Variants in ZSCAN5A observed in about 807,000 individuals in gnomAD.
ZSCAN5A encodes the protein zinc finger and SCAN domain containing 5A.
In ZSCAN5A, 12 loss-of-function variants were observed where a neutral mutation model predicts 23.7. The observed-to-expected ratio is 0.51, with a 90% confidence interval of 0.32 to 0.82. The LOEUF (loss-of-function observed/expected upper bound fraction) is 0.82. ZSCAN5A is among the 40% of genes least tolerant of loss of function. ZSCAN5A has a pLI of 0.03. For missense variants in ZSCAN5A, 597 were observed against 617.9 expected, an observed-to-expected ratio of 0.97 and a Z score of 0.36; for synonymous variants, 257 against 239.9, an observed-to-expected ratio of 1.07 and a Z score of -0.66.
intron 2 of ZSCAN5A, chr19:56,302,701 C>A (rs1427780639): frequency 4.2e-6 from 1 of 237,216 alleles, no homozygotes; most frequent in East Asian, 6.4e-5. Context: ...CTCCTTCCTT[C>A]TCTTTCCTTC....
In ZSCAN5A at chr19:56,304,494, A is replaced by G. The variant is rs555582679; in HGVS notation, c.-128+8789T>C. 2.0e-4 allele frequency among the ~76,000 whole-genome samples: 31 copies of G among 152,320 alleles called. No individual in the cohort carries two copies. The East Asian group carries it at 2.7e-3, about 13-fold the overall frequency. On this transcript the variant is annotated intron_variant, in intron 2 of 5. Transcript: ENST00000683990. ...CGGCCCAGGACAACACGCCACGACA[A>G]AAATAACCCAGGTCAAAACGTCAGG...
intron 2 of ZSCAN5A, among the ~76,000 whole-genome samples, chr19:56,326,617 G>A (rs1417600920): frequency 1.3e-5 from 2 of 151,932 alleles, no homozygotes; most frequent in Non-Finnish European, 2.9e-5. Flanking sequence ...ACTTCCCATA[G>A]TGTACCGCTG....
intron 2 of ZSCAN5A, among the ~76,000 whole-genome samples, chr19:56,278,088 G>C (rs1384459963): frequency 2.0e-5 from 3 of 147,554 alleles, no homozygotes; most frequent in Non-Finnish European, 3.0e-5. Flanking sequence ...GCTTCAGTCT[G>C]TCACAATGTG....
chr19:56,299,794 A>G (rs1005904672), intron 2 of ZSCAN5A: 2 of 152,176 alleles, frequency 1.3e-5, no homozygotes, highest in Non-Finnish European at 1.5e-5. Context: ...GGGATTTTAA[A>G]AAGTATTTTT....
At chr19:56,228,118 T>C in intron 2 of ZSCAN5A, 4 of 502,726 alleles carry the variant, frequency 8.0e-6, no homozygotes, top group Non-Finnish European at 1.0e-5. Flanking sequence ...GAGTTAATCA[T>C]GGGGTGCAAA....
At chr19:56,247,130 G>A in intron 2 of ZSCAN5A, 1 of 673,402 alleles carries the variant, frequency 1.5e-6, no homozygotes, top group Non-Finnish European at 2.7e-6. Context: ...TCACACACAG[G>A]AGAGAGACCC....
At chr19:56,260,214 C>CTTT (rs398041088) in intron 2 of ZSCAN5A, among the ~76,000 whole-genome samples, 3 of 127,860 alleles carry the variant, frequency 2.3e-5, no homozygotes, top group Admixed American at 8.2e-5. Flanking sequence ...TATTTTTTTA[C>CTTT]TTTTTTTTTT....
At chr19:56,250,872 A>T (rs948248733) in intron 2 of ZSCAN5A, among the ~76,000 whole-genome samples, 1 of 152,120 alleles carries the variant, frequency 6.6e-6, no homozygotes, top group Admixed American at 6.5e-5. Context: ...ATGTGGCCTA[A>T]GCTATTCAAC....
intron 2 of ZSCAN5A, chr19:56,263,265 G>A (rs2037247119): frequency 6.6e-6 from 1 of 152,248 alleles, no homozygotes; most frequent in Non-Finnish European, 1.5e-5. Context: ...GCTGGGTGAA[G>A]TGCATTTTAA....
chr19:56,311,856 T>A (rs896190062), intron 2 of ZSCAN5A: 2 of 152,086 alleles, frequency 1.3e-5, no homozygotes, highest in Non-Finnish European at 2.9e-5. Flanking sequence ...CCCCAGTGCG[T>A]GTTGTTCACC....
At chr19:56,302,955 A>G in intron 2 of ZSCAN5A, 1 of 398,196 alleles carries the variant, frequency 2.5e-6, no homozygotes, top group East Asian at 3.6e-5. Flanking sequence ...AGAGAACCAG[A>G]TCACCGAGTG....
intron 2 of ZSCAN5A, among the ~76,000 whole-genome samples, chr19:56,325,148 T>C (rs1357802280): frequency 6.6e-6 from 1 of 152,266 alleles, no homozygotes. Flanking sequence ...TCTTTTCCCT[T>C]CTTCCCTCCC....
intron 2 of ZSCAN5A, among the ~76,000 whole-genome samples, chr19:56,287,285 A>G (rs747520262): frequency 2.6e-5 from 4 of 152,238 alleles, no homozygotes; most frequent in Non-Finnish European, 5.9e-5. Context: ...TGTGGGAAAC[A>G]TTTTACGGAA....
At chr19:56,288,701 G>A (rs888033860) in intron 2 of ZSCAN5A, among the ~76,000 whole-genome samples, 3 of 152,140 alleles carry the variant, frequency 2.0e-5, no homozygotes, top group Non-Finnish European at 4.4e-5. Context: ...GTCTTCACCC[G>A]TAAAATGAGT....
At chr19:56,313,785 C>T (rs2041193704) in intron 1 of ZSCAN5A, among the ~76,000 whole-genome samples, 2 of 152,114 alleles carry the variant, frequency 1.3e-5, no homozygotes, top group South Asian at 4.1e-4. Context: ...GATGGGAGTG[C>T]TCTTAAATTT....
In ZSCAN5A at chr19:56,333,818, T is replaced by C. The variant is rs565659322; in HGVS notation, c.-357-17550A>G. Among the ~76,000 whole-genome samples, 7 of 151,920 alleles carry C rather than the reference T, an allele frequency of 4.6e-5. 1 individual carries two copies. In the South Asian group the frequency reaches 1.5e-3, roughly 32 times the overall value. On this transcript the variant is annotated intron_variant, in intron 2 of 6. Coordinates refer to the ZSCAN5A transcript ENST00000587340. ...AGATGGTAGCAAACATACTGTATGC[T>C]CACACCTTCTAGGGAGACAGGGGAA... is the stretch of plus-strand genomic sequence containing the variant.
intron 2 of ZSCAN5A, among the ~76,000 whole-genome samples, chr19:56,353,785 A>T (rs564070526): frequency 9.2e-5 from 14 of 152,138 alleles, no homozygotes; most frequent in East Asian, 5.8e-4. Context: ...CTGTCTCAAA[A>T]AATAAAAATA....
intron 1 of ZSCAN5A, among the ~76,000 whole-genome samples, chr19:56,364,307 T>TA (rs2041751810): frequency 6.6e-6 from 1 of 152,256 alleles, no homozygotes; most frequent in East Asian, 1.9e-4. Flanking sequence ...CTTATGTTGT[T>TA]ACTCAAGAAA....
At chr19:56,314,583 G>A (rs2041251553) in intron 1 of ZSCAN5A, 98 bp downstream of exon 1, 1 of 144,674 alleles carries the variant, frequency 6.9e-6, no homozygotes, top group Non-Finnish European at 1.5e-5. Flanking sequence ...CCACGTCCCC[G>A]CCCCAGGCGC....
Sources: allele counts gnomAD v4.1 joint callset (sites outside exome capture counted in the v4.1 genomes callset), GRCh38; gene constraint gnomAD v4.1.1; transcripts MANE v1.5; gene names NCBI Gene and HGNC (gene_info 2026-07-23, HGNC 2026-07-21).